Variants in SDK1 observed in about 807,000 individuals in gnomAD.
SDK1 encodes sidekick cell adhesion molecule 1, also known as protein sidekick-1.
Under a neutral mutation model 245.5 loss-of-function variants are expected in SDK1, and 157 were observed. The observed-to-expected ratio is 0.64, with a 90% CI of 0.56 to 0.73. The LOEUF (loss-of-function observed/expected upper bound fraction) is 0.73, where lower values mean the gene tolerates loss of function less well. Ranked by LOEUF, SDK1 falls within the 30% of genes least tolerant of loss-of-function variation. The pLI is 0.00. For missense variants in SDK1, 3,583 were observed against 3,002.3 expected (o/e 1.19, Z -4.52); for synonymous variants, 1,647 against 1,278.5 (o/e 1.29, Z -6.15).
intron 13 of SDK1, among the ~76,000 whole-genome samples, chr7:3,982,107 T>C (rs1161748279): frequency 6.6e-6 from 1 of 152,230 alleles, no homozygotes; most frequent in African/African-American, 2.4e-5. Context: ...AACACTCATT[T>C]ACTGTGCTGA....
chr7:4,222,966 C>T (rs1230601342), intron 40 of SDK1, among the ~76,000 whole-genome samples: 1 of 151,874 alleles, frequency 6.6e-6, no homozygotes, highest in Non-Finnish European at 1.5e-5. Flanking sequence ...GAGCTGGTGG[C>T]AGGGAGCAGC....
chr7:4,079,655 C>T, intron 22 of SDK1, 71 bp downstream of exon 22: 3 of 1,585,158 alleles, frequency 1.9e-6, no homozygotes, highest in Admixed American at 1.7e-5. Flanking sequence ...TGAGTGGTAC[C>T]CCTGCAGATG....
chr7:4,160,522 T>A (rs961689980), intron 31 of SDK1, among the ~76,000 whole-genome samples: 7 of 152,230 alleles, frequency 4.6e-5, no homozygotes, highest in Admixed American at 4.6e-4. Context: ...ATTTGTGTTG[T>A]ATTGTCTTAC....
chr7:3,366,008 CA>C (rs1281516204), intron 1 of SDK1, among the ~76,000 whole-genome samples: 1 of 148,842 alleles, frequency 6.7e-6, no homozygotes, highest in Non-Finnish European at 1.5e-5. Context: ...CATTGCACTC[CA>C]GCTTGGGCGA....
chr7:3,565,371 A>G (rs1231695568), intron 1 of SDK1, among the ~76,000 whole-genome samples: 8 of 152,200 alleles, frequency 5.3e-5, no homozygotes, highest in Admixed American at 1.3e-4. Flanking sequence ...GAGATGCACT[A>G]TAAAGTATGT....
At chr7:4,229,002 G>A (rs985212870) in intron 40 of SDK1, among the ~76,000 whole-genome samples, 2 of 152,200 alleles carry the variant, frequency 1.3e-5, no homozygotes, top group East Asian at 1.9e-4. Context: ...CTGTCCTCTC[G>A]AGTGTTGACT....
chr7:3,463,267 CT>C (rs1780889293), intron 1 of SDK1, among the ~76,000 whole-genome samples: 1 of 152,010 alleles, frequency 6.6e-6, no homozygotes, highest in Non-Finnish European at 1.5e-5. Context: ...GCAAGAATAT[CT>C]TTTTGTTTTT....
intron 1 of SDK1, among the ~76,000 whole-genome samples, chr7:3,431,865 A>ATT (rs11450888): frequency 3.3e-5 from 5 of 150,308 alleles, no homozygotes; most frequent in South Asian, 2.1e-4. Context: ...ATCAGGAGTG[A>ATT]TTTTTTTTTT....
At chr7:4,044,377 A>G (rs1312739461) in intron 17 of SDK1, among the ~76,000 whole-genome samples, 8 of 152,268 alleles carry the variant, frequency 5.3e-5, no homozygotes, top group Non-Finnish European at 1.0e-4. Context: ...CTCAGAGCCT[A>G]CATTGAAGGG....
At chr7:3,462,753 C>T (rs6944319) in intron 1 of SDK1, among the ~76,000 whole-genome samples, 3,333 of 152,158 alleles carry the variant, frequency 0.022, 130 homozygotes, top group African/African-American at 0.075. Context: ...TCTCTATTGC[C>T]GCCATCCTAA....
intron 28 of SDK1, among the ~76,000 whole-genome samples, chr7:4,133,627 A>G (rs951044424): frequency 5.9e-5 from 9 of 152,192 alleles, no homozygotes; most frequent in Non-Finnish European, 1.3e-4. Flanking sequence ...GAATGCTTTC[A>G]GCCTTTGGGA....
chr7:3,491,035 C>G (rs1302863783), intron 1 of SDK1, among the ~76,000 whole-genome samples: 1 of 152,240 alleles, frequency 6.6e-6, no homozygotes, highest in African/African-American at 2.4e-5. Flanking sequence ...TGCACATTTA[C>G]TCTAGTCTTC....
At chr7:4,064,264 A>G (rs1779729596) in intron 19 of SDK1, among the ~76,000 whole-genome samples, 1 of 152,182 alleles carries the variant, frequency 6.6e-6, no homozygotes, top group African/African-American at 2.4e-5. Context: ...GGCAAGGGAC[A>G]TGAATAAACC....
At chr7:3,376,541 T>C (rs10281401) in intron 1 of SDK1, among the ~76,000 whole-genome samples, 74,161 of 152,004 alleles carry the variant, frequency 0.49, 19,374 homozygotes, top group East Asian at 0.62. Context: ...CCAAGAAATA[T>C]AATTTAGAAC....
chr7:3,427,177 A>T (rs906135487), intron 1 of SDK1, among the ~76,000 whole-genome samples: 2 of 152,210 alleles, frequency 1.3e-5, no homozygotes, highest in Non-Finnish European at 2.9e-5. Flanking sequence ...TCTGTCAGTG[A>T]TAAATATGTA....
intron 4 of SDK1, among the ~76,000 whole-genome samples, chr7:3,723,924 G>GTA (rs375367373): frequency 0.089 from 5,795 of 65,092 alleles, 576 homozygotes; most frequent in South Asian, 0.13. Context: ...ATATATACAC[G>GTA]TATATATATA....
chr7:3,785,005 T>C (rs901002154), intron 4 of SDK1, among the ~76,000 whole-genome samples: 2 of 152,220 alleles, frequency 1.3e-5, no homozygotes, highest in African/African-American at 4.8e-5. Context: ...TTACACGTAA[T>C]GGAATACTAT....
intron 30 of SDK1, among the ~76,000 whole-genome samples, chr7:4,150,791 G>A (rs1342574154): frequency 2.6e-5 from 4 of 152,214 alleles, no homozygotes; most frequent in African/African-American, 9.6e-5. Flanking sequence ...GACAACAGGG[G>A]GTTTCAAAGA....
chr7:3,436,916 ATTAT>A lies in SDK1; in HGVS notation c.298+135043_298+135046del, dbSNP rs144581199. Among the ~76,000 whole-genome samples, 1,386 of 152,276 alleles carry A rather than the reference ATTAT, an allele frequency of 9.1e-3. 26 individuals carry two copies. The highest frequency in any genetic ancestry group is 0.031 in the African/African-American group (1,304 of 41,546). ...TGTAATGAAAGTGTATCTTTACCTC[ATTAT>A]TTATTTATTTTATTGAGCAAAAAAT... On this transcript the variant is annotated intron_variant, in intron 1 of 44. Transcript: ENST00000404826.
Sources: gnomAD v4.1 joint callset for allele counts (sites outside exome capture counted in the v4.1 genomes callset) on GRCh38, gnomAD v4.1.1 for gene constraint, MANE v1.5 for transcripts, NCBI Gene and HGNC (gene_info 2026-07-23, HGNC 2026-07-21) for gene names.